Variants in BTBD9 observed in about 807,000 individuals in gnomAD.
BTBD9 encodes the protein BTB domain containing 9, also known as BTB/POZ domain-containing protein 9.
A neutral mutation model predicts 64.3 loss-of-function variants in BTBD9; 49 were observed. The ratio of observed to expected loss-of-function variants is 0.76; its 90% CI spans 0.61 to 0.97. The LOEUF (loss-of-function observed/expected upper bound fraction) is 0.97, where lower values mean the gene tolerates loss of function less well. Among genes scored for constraint, BTBD9 ranks in the 50% least tolerant of loss-of-function variants. The pLI, the probability that BTBD9 is intolerant of heterozygous loss-of-function variation, is 0.00. For synonymous variants in BTBD9, 260 were observed against 274.7 expected (o/e 0.95, Z 0.53); for missense variants, 598 against 762.1 (o/e 0.78, Z 2.53).
chr6:38,208,861 T>A (rs1386091533), intron 9 of BTBD9, among the ~76,000 whole-genome samples: 1 of 152,120 alleles, frequency 6.6e-6, no homozygotes, highest in Non-Finnish European at 1.5e-5. Flanking sequence ...GCCAAGTTGA[T>A]CTAACCTGAC....
At chr6:38,345,704 A>T (rs1764253011) in intron 6 of BTBD9, among the ~76,000 whole-genome samples, 1 of 152,236 alleles carries the variant, frequency 6.6e-6, no homozygotes, top group African/African-American at 2.4e-5. Context: ...TGACCACAGG[A>T]AGCGATCTGT....
At chr6:38,545,837 AACACACACACACACACATACACACAC>A (rs1774521383) in intron 6 of BTBD9, among the ~76,000 whole-genome samples, 1 of 112,848 alleles carries the variant, frequency 8.9e-6, no homozygotes, top group Non-Finnish European at 1.8e-5. Context: ...TAATATTTAA[AACACACACACACACACATACACACAC>A]ACACACACAC....
At chr6:38,376,656 C>T (rs1765705613) in intron 6 of BTBD9, among the ~76,000 whole-genome samples, 1 of 152,118 alleles carries the variant, frequency 6.6e-6, no homozygotes, top group South Asian at 2.1e-4. Flanking sequence ...AAAAAACCTC[C>T]TAACACCCTG....
intron 8 of BTBD9, among the ~76,000 whole-genome samples, chr6:38,282,045 A>G (rs1761530782): frequency 6.6e-6 from 1 of 152,228 alleles, no homozygotes; most frequent in Non-Finnish European, 1.5e-5. Context: ...AAAGGATATC[A>G]CAATTAGCAA....
intron 6 of BTBD9, among the ~76,000 whole-genome samples, chr6:38,436,747 G>A (rs1217155157): frequency 6.6e-6 from 1 of 152,092 alleles, no homozygotes; most frequent in Admixed American, 6.6e-5. Flanking sequence ...AGAAGGGAGC[G>A]GACAGGTTTG....
At chr6:38,374,307 G>GTATATATATATATGTATA (rs1582317684) in intron 6 of BTBD9, among the ~76,000 whole-genome samples, 104 of 59,016 alleles carry the variant, frequency 1.8e-3, no homozygotes, top group East Asian at 0.016. Context: ...GTATATATAT[G>GTATATATATATATGTATA]TATATATATA....
At chr6:38,426,775 A>T (rs1023017183) in intron 6 of BTBD9, among the ~76,000 whole-genome samples, 11 of 151,788 alleles carry the variant, frequency 7.2e-5, no homozygotes, top group Non-Finnish European at 1.5e-5. Context: ...CACTCACTGC[A>T]TGGCCCAAGA....
At chr6:38,369,087 T>C (rs932977341) in intron 6 of BTBD9, among the ~76,000 whole-genome samples, 8 of 152,212 alleles carry the variant, frequency 5.3e-5, no homozygotes, top group South Asian at 2.1e-4. Context: ...CCTCACTTCA[T>C]AGCCAATCAA....
intron 6 of BTBD9, among the ~76,000 whole-genome samples, chr6:38,419,608 T>C (rs912486799): frequency 7.9e-5 from 12 of 152,164 alleles, no homozygotes; most frequent in Admixed American, 7.9e-4. Context: ...CGGTGGCTCA[T>C]GCCTGTAATC....
At chr6:38,221,292 A>C (rs1237743657) in intron 9 of BTBD9, among the ~76,000 whole-genome samples, 4 of 152,168 alleles carry the variant, frequency 2.6e-5, no homozygotes, top group African/African-American at 9.7e-5. Flanking sequence ...TCAAACCTCC[A>C]AGGAATGCAG....
chr6:38,479,821 C>T (rs902664626), intron 6 of BTBD9, among the ~76,000 whole-genome samples: 1 of 152,156 alleles, frequency 6.6e-6, no homozygotes, highest in Non-Finnish European at 1.5e-5. Flanking sequence ...CTCCACCTCT[C>T]GGGCTCAAGC....
intron 6 of BTBD9, among the ~76,000 whole-genome samples, chr6:38,359,183 T>C (rs1562073663): frequency 6.6e-6 from 1 of 152,220 alleles, no homozygotes; most frequent in Non-Finnish European, 1.5e-5. Context: ...TCTCCTATCC[T>C]AGGAAACCAC....
At chr6:38,403,358 A>T (rs928488965) in intron 6 of BTBD9, among the ~76,000 whole-genome samples, 2 of 152,208 alleles carry the variant, frequency 1.3e-5, no homozygotes, top group Non-Finnish European at 2.9e-5. Context: ...CAACAATTTT[A>T]AAAAATCCAA....
intron 6 of BTBD9, among the ~76,000 whole-genome samples, chr6:38,545,429 C>T (rs1004603391): frequency 2.0e-5 from 3 of 152,048 alleles, no homozygotes; most frequent in Non-Finnish European, 2.9e-5. Context: ...TAGATAGCGG[C>T]GATGGCTGCA....
intron 6 of BTBD9, among the ~76,000 whole-genome samples, chr6:38,478,032 C>T (rs1431430688): frequency 6.6e-6 from 1 of 152,174 alleles, no homozygotes; most frequent in African/African-American, 2.4e-5. Flanking sequence ...CCCCTGCTGC[C>T]ACAGGGATGT....
intron 6 of BTBD9, among the ~76,000 whole-genome samples, chr6:38,561,372 A>G (rs1562341632): frequency 6.6e-6 from 1 of 152,196 alleles, no homozygotes; most frequent in African/African-American, 2.4e-5. Context: ...TAGTTCAGCC[A>G]CTGTGGAAAG....
chr6:38,540,200 G>A (rs1562314934), intron 6 of BTBD9, among the ~76,000 whole-genome samples: 2 of 152,302 alleles, frequency 1.3e-5, no homozygotes, highest in East Asian at 3.9e-4. Context: ...CCTTGCTACT[G>A]TGCCAAAGTA....
intron 6 of BTBD9, among the ~76,000 whole-genome samples, chr6:38,562,722 T>A (rs1775312639): frequency 6.6e-6 from 1 of 152,210 alleles, no homozygotes; most frequent in Non-Finnish European, 1.5e-5. Flanking sequence ...ACAGATATAA[T>A]CAATTCCTTA....
intron 6 of BTBD9, among the ~76,000 whole-genome samples, chr6:38,506,555 C>T (rs1181183123): frequency 6.6e-6 from 1 of 152,184 alleles, no homozygotes; most frequent in East Asian, 1.9e-4. Context: ...CAAAGAGTTT[C>T]CACTAAACAC....
Sources: gnomAD v4.1 joint callset for allele counts (sites outside exome capture counted in the v4.1 genomes callset) on GRCh38, gnomAD v4.1.1 for gene constraint, MANE v1.5 for transcripts, NCBI Gene and HGNC (gene_info 2026-07-23, HGNC 2026-07-21) for gene names.